Variants in ATP1A1 observed in about 807,000 individuals in gnomAD.
ATP1A1 encodes ATPase Na+/K+ transporting subunit alpha 1, also known as sodium/potassium-transporting ATPase subunit alpha-1.
Under a neutral mutation model 114.8 loss-of-function variants are expected in ATP1A1, and 14 were observed. The observed-to-expected ratio is 0.12, with a 90% CI of 0.08 to 0.19. ATP1A1 has a LOEUF of 0.19. Among genes scored for constraint, ATP1A1 ranks in the 10% least tolerant of loss-of-function variants. The probability of loss-of-function intolerance (pLI) is 1.00; values close to 1 mark genes in which losing one functional copy is unlikely to be tolerated. For synonymous variants in ATP1A1, 471 were observed against 466.3 expected (o/e 1.01, Z -0.13); for missense variants, 524 against 1,290.7 (o/e 0.41, Z 9.10).
intron 10 of ATP1A1, among the ~76,000 whole-genome samples, chr1:116,391,940 G>A (rs983737167): frequency 7.9e-5 from 12 of 152,134 alleles, no homozygotes; most frequent in African/African-American, 2.7e-4. Context: ...GGGAGAAGCA[G>A]CCCTATTCTG....
rs1653475573 is a variant in ATP1A1 at position 116,401,492 on chromosome 1, G to A, written c.2850-62G>A. The A allele has an allele frequency of 3.2e-6, 5 of 1,546,844 alleles. No homozygotes were observed. Among genetic ancestry groups the A allele is most frequent in the Non-Finnish European group, 4.5e-6 (5 of 1,120,596 alleles). ...TGTTGATCTGCCATTTTAATGCATA[G>A]CATTAGAAGATAAACCTTTATTTGC... On this transcript the variant is annotated intron_variant, in intron 20 of 22. Transcript: ENST00000295598. This position sits in a 1 kb window ranked among gnomAD's most constrained non-coding sequence, Gnocchi z 4.7.
At position 116,392,837 on chromosome 1, in the gene ATP1A1, G is replaced by A. The variant is rs1252073036; in HGVS notation, c.1333-17G>A. On this transcript the variant is annotated splice_polypyrimidine_tract_variant and intron_variant, in intron 10 of 22. Transcript: ENST00000295598. ...AATTTTTTGGAGATAATTTACAGAT[G>A]ATGTCTCTGTTCACAGCGGGCAGTT... The A allele has an allele frequency of 3.8e-6, 6 of 1,592,156 alleles. No homozygotes were observed. Among genetic ancestry groups the A allele is most frequent in the Non-Finnish European group, 5.1e-6 (6 of 1,170,238 alleles).
rs1027840023 is a variant in ATP1A1, at chr1:116,398,199, T to C, written c.2124+161T>C. Among the ~76,000 whole-genome samples the C allele has an allele frequency of 6.6e-6, 1 of 152,166 alleles. No homozygotes were observed. The highest frequency in any genetic ancestry group is 1.5e-5 in the Non-Finnish European group (1 of 68,034). On this transcript the variant is annotated intron_variant, in intron 15 of 22. Coordinates refer to ENST00000295598, the MANE Select transcript of ATP1A1 (RefSeq NM_000701.8). The surrounding 1 kb of genome is among the most constrained non-coding windows in gnomAD (Gnocchi z 6.1). ...AGCTCATAGGCATAGAGAGGGTGAC[T>C]TGTTAATGGTTTAGCAGTGACAGAA...
In ATP1A1 at chr1:116,388,612, C is replaced by T. The variant is rs765395887; in HGVS notation, c.502-26C>T. 24 of 1,611,032 alleles carry T rather than the reference C, an allele frequency of 1.5e-5. No individual in the cohort carries two copies. Among genetic ancestry groups the T allele is most frequent in the Middle Eastern group, 1.6e-4 (1 of 6,070 alleles). On this transcript the variant is annotated intron_variant, in intron 5 of 22. Transcript: ENST00000295598. This position sits in a 1 kb window ranked among gnomAD's most constrained non-coding sequence, Gnocchi z 5.6. ...TACCTTCTCTTTGTTGGTATACTAA[C>T]GGTGTAAATTGTTTCTTTTCCAAAG...
rs752531768 is a variant in ATP1A1, at chr1:116,389,517, A to C, written c.833A>C (p.Glu278Ala). The change falls in exon 8 of 23, where the codon GAA becomes GCA. Residue 278 changes from glutamate (E) to alanine (A), a missense_variant. This residue lies in a region of ATP1A1 where 141 missense variants were observed against 316.6 expected (regional missense o/e 0.45). Coordinates refer to ENST00000295598, the MANE Select transcript of ATP1A1 (RefSeq NM_000701.8). This position sits in a 1 kb window ranked among gnomAD's most constrained non-coding sequence, Gnocchi z 6.9. Reference protein sequence around the residue: ...GRIATLASGLEGGQTPIAAEI... With the variant: ...GRIATLASGLAGGQTPIAAEI... ...ATTGCCACACTTGCTTCTGGGCTGG[A>C]AGGAGGCCAGACCCCCATTGCTGCA... 1 of 1,614,148 alleles carries C rather than the reference A, an allele frequency of 6.2e-7. No homozygotes were observed. Among genetic ancestry groups the C allele is most frequent in the South Asian group, 1.1e-5 (1 of 91,074 alleles).
intron 1 of ATP1A1, chr1:116,374,126 C>A: frequency 6.5e-7 from 1 of 1,544,238 alleles, no homozygotes; most frequent in Non-Finnish European, 8.7e-7. Context: ...GCTTGCTCCG[C>A]GCAGAGGCGG....
rs1404572835 is a variant in ATP1A1 at position 116,398,353 on chromosome 1, G to A, written c.2125-268G>A. Among the ~76,000 whole-genome samples the A allele has an allele frequency of 6.6e-6, 1 of 152,192 alleles. No homozygotes were observed. The highest frequency in any genetic ancestry group is 1.5e-5 in the Non-Finnish European group (1 of 68,032). On this transcript the variant is annotated intron_variant, in intron 15 of 22. Transcript: ENST00000295598. This position sits in a 1 kb window ranked among gnomAD's most constrained non-coding sequence, Gnocchi z 6.1. ...ACTACAGGGCGTGCATACAGGAATG[G>A]CATTTTCTGGAGTGCCACCCACCAG...
In ATP1A1 at chr1:116,395,418, C is replaced by A. The variant is rs961650639; in HGVS notation, c.1836+133C>A. 6.1e-6 allele frequency: 6 copies of A among 981,754 alleles called. No individual in the cohort carries two copies. In the African/African-American group the frequency reaches 6.8e-5, roughly 11 times the overall value. The allele number at this position is 981,754 out of a possible 1,614,324, so 60.8% of individuals were successfully genotyped here. A position where few individuals can be genotyped will look rare whatever the true frequency, so the allele number is the denominator to read the frequency against. Reference sequence around the variant, plus strand: ...GAGTATTAATTTCTCATCTCCAAAGCTTTACTTCCACCCAGAAAAGACCAG... The same window carrying A: ...GAGTATTAATTTCTCATCTCCAAAGATTTACTTCCACCCAGAAAAGACCAG... On this transcript the variant is annotated intron_variant, in intron 13 of 22. Transcript: ENST00000295598. This position sits in a 1 kb window ranked among gnomAD's most constrained non-coding sequence, Gnocchi z 6.4.
rs1557795096 is a variant in ATP1A1 at position 116,401,709 on chromosome 1, T to TC, written c.2951+60dup. The TC allele has an allele frequency of 3.3e-6, 5 of 1,528,280 alleles. No individual in the cohort carries two copies. The African/African-American group carries it at 4.1e-5, about 13-fold the overall frequency. 94.7% of individuals were successfully genotyped at this position (1,528,280 alleles called of 1,614,324 possible). On this transcript the variant is annotated intron_variant, in intron 21 of 22. Transcript: ENST00000295598. This position sits in a 1 kb window ranked among gnomAD's most constrained non-coding sequence, Gnocchi z 4.7. The stretch of plus-strand genomic sequence containing the variant: ...AGTATGAAATAGTATGTGTGGCTTT[T>TC]CCCCCCATTACTTGTGGTAATAGTT...
At chr1:116,383,300 G>A (rs1313186411) in intron 1 of ATP1A1, 5 of 1,044,204 alleles carry the variant, frequency 4.8e-6, no homozygotes, top group Non-Finnish European at 5.9e-6. Flanking sequence ...GGAGTCTTAG[G>A]CTGACTTTTT....
rs570274541 is a variant in ATP1A1, at chr1:116,393,436, T to C, written c.1468-95T>C. 3 of 1,361,930 alleles carry C rather than the reference T, an allele frequency of 2.2e-6. No homozygotes were observed. The highest frequency in any genetic ancestry group is 2.9e-5 in the African/African-American group (2 of 68,748). The allele number at this position is 1,361,930 out of a possible 1,614,324, so 84.4% of individuals were successfully genotyped here. On this transcript the variant is annotated intron_variant, in intron 11 of 22. Coordinates refer to ENST00000295598, the MANE Select transcript of ATP1A1 (RefSeq NM_000701.8). This position sits in a 1 kb window ranked among gnomAD's most constrained non-coding sequence, Gnocchi z 5.0. ...GAAAGAAGGGATCTTGGGTCTTTTA[T>C]AGCAAATACTAAATAGTAAGTGAAG...
Position 116,391,019 on chromosome 1 carries a change from G to A in ATP1A1, c.1332+128G>A, listed in dbSNP as rs1466340328. 4.0e-6 allele frequency: 3 copies of A among 742,908 alleles called. No individual in the cohort carries two copies. In the African/African-American group the frequency reaches 5.3e-5, roughly 13 times the overall value. The allele number at this position is 742,908 out of a possible 1,614,324, so 46.0% of individuals were successfully genotyped here. On this transcript the variant is annotated intron_variant, in intron 10 of 22. Transcript: ENST00000295598. ...CACTGTAGAACACCTGGAGTGGTCT[G>A]TGCAGTACTTTGCTGTGTGTAACTT...
intron 21 of ATP1A1, 44 bp from the exon 22 acceptor site, chr1:116,403,840 C>T: frequency 1.3e-6 from 2 of 1,491,014 alleles, no homozygotes; most frequent in Non-Finnish European, 1.8e-6. Context: ...TTTATTTGAA[C>T]TGTGTTCGTG....
At position 116,389,339 on chromosome 1, in the gene ATP1A1, C is replaced by A; in HGVS notation, c.755-100C>A. On this transcript the variant is annotated intron_variant, in intron 7 of 22. Coordinates refer to ENST00000295598, the MANE Select transcript of ATP1A1 (RefSeq NM_000701.8). The surrounding 1 kb of genome is among the most constrained non-coding windows in gnomAD (Gnocchi z 6.9). ...CCCTTAAAAAGTGCTTTTATCAACTCTTTTTGTTTTTTTAGTCATCCTATG... is the reference window on the plus strand; with the variant it reads ...CCCTTAAAAAGTGCTTTTATCAACTATTTTTGTTTTTTTAGTCATCCTATG... The A allele has an allele frequency of 6.7e-7, 1 of 1,493,152 alleles. No individual in the cohort carries two copies. Among genetic ancestry groups the A allele is most frequent in the Non-Finnish European group, 9.0e-7 (1 of 1,106,018 alleles). The allele number at this position is 1,493,152 out of a possible 1,614,324, so 92.5% of individuals were successfully genotyped here.
Position 116,381,511 on chromosome 1 carries a change from TTACTTGTTAA to T in ATP1A1, c.13-2496_13-2487del, listed in dbSNP as rs1186793076. 6.6e-6 allele frequency among the ~76,000 whole-genome samples: 1 copy of T among 152,252 alleles called. No individual in the cohort carries two copies. The highest frequency in any genetic ancestry group is 6.5e-5 in the Admixed American group (1 of 15,284). On this transcript the variant is annotated intron_variant, in intron 1 of 22. Transcript: ENST00000295598. The surrounding 1 kb of genome is among the most constrained non-coding windows in gnomAD (Gnocchi z 5.1). ...TTAAAATTTTGAAGAAAAAGCAGTT[TTACTTGTTAA>T]TACTTGCCATGTGTCTCACCCACAA...
At chr1:116,374,225 C>T (rs1425976446) in intron 1 of ATP1A1, 5 of 1,551,612 alleles carry the variant, frequency 3.2e-6, no homozygotes, top group South Asian at 2.4e-5. Context: ...CTTCACTGCC[C>T]TAAGATGGCC....
intron 1 of ATP1A1, chr1:116,374,196 G>A: frequency 6.4e-7 from 1 of 1,550,792 alleles, no homozygotes; most frequent in Middle Eastern, 1.9e-4. Flanking sequence ...TGGGCGGGCT[G>A]GTGCCAGAAA....
Position 116,397,934 on chromosome 1 carries a change from A to T in ATP1A1, c.2020A>T (p.Thr674Ser). ...ACACGGCAGTGATCTAAAGGACATG[A>T]CCTCCGAGCAGCTGGATGACATTTT... ...VVHGSDLKDM[T>S]SEQLDDILKY... The change falls in exon 15 of 23, where the codon ACC (threonine) becomes TCC (serine). Residue 674 changes from threonine to serine, a missense_variant. By Grantham distance (58) the Thr-to-Ser change is moderately conservative. Coordinates refer to ENST00000295598, the MANE Select transcript of ATP1A1 (RefSeq NM_000701.8). The surrounding 1 kb of genome is among the most constrained non-coding windows in gnomAD (Gnocchi z 4.2). The T allele has an allele frequency of 6.2e-7, 1 of 1,612,774 alleles. No homozygotes were observed. Among genetic ancestry groups the T allele is most frequent in the Middle Eastern group, 1.7e-4 (1 of 6,058 alleles).
At chr1:116,380,257 TAGC>T (rs1216607775) in intron 1 of ATP1A1, among the ~76,000 whole-genome samples, 1 of 152,196 alleles carries the variant, frequency 6.6e-6, no homozygotes, top group Non-Finnish European at 1.5e-5. Flanking sequence ...TCAACACCAT[TAGC>T]AGACCTGTCT....
Sources: allele counts gnomAD v4.1 joint callset (sites outside exome capture counted in the v4.1 genomes callset), GRCh38; gene constraint gnomAD v4.1.1; regional missense constraint gnomAD v4.1.1; non-coding constraint Gnocchi (gnomAD v3.1); transcripts MANE v1.5; gene names NCBI Gene and HGNC (gene_info 2026-07-23, HGNC 2026-07-21).